The following WNK2 variants were observed in gnomAD, a reference collection of about 807,000 sequenced individuals.
WNK2 encodes WNK lysine deficient protein kinase 2.
A neutral mutation model predicts 192.1 loss-of-function variants in WNK2; 67 were observed. That is an observed-to-expected ratio of 0.35 (90% CI 0.29 to 0.43). WNK2 has a LOEUF of 0.43. WNK2 is among the 20% of genes least tolerant of loss of function. The pLI, the probability that WNK2 is intolerant of heterozygous loss-of-function variation, is 1.00. For missense variants in WNK2, 2,698 were observed against 3,089.7 expected (o/e 0.87, Z 3.01); for synonymous variants, 1,439 against 1,393.9 (o/e 1.03, Z -0.72).
chr9:93,309,294 TC>T (rs1328362408), intron 28 of WNK2: 5 of 228,258 alleles, frequency 2.2e-5, no homozygotes, highest in Non-Finnish European at 3.6e-5. Flanking sequence ...AGAGTGAACA[TC>T]CATAGGACCC....
At chr9:93,253,171 C>A in intron 9 of WNK2, 89 bp downstream of exon 9, 1 of 1,131,084 alleles carries the variant, frequency 8.8e-7, no homozygotes, top group Non-Finnish European at 1.2e-6. Context: ...GATGGGCTGT[C>A]CAGGCTGCAC....
At chr9:93,220,567 G>A (rs761601282) in intron 2 of WNK2, among the ~76,000 whole-genome samples, 5 of 152,156 alleles carry the variant, frequency 3.3e-5, no homozygotes, top group South Asian at 2.1e-4. Flanking sequence ...ACTGGATGGC[G>A]TGTCACTGCT....
rs572090092 is a variant in WNK2, at chr9:93,229,257, C to A, written c.682-439C>A. On this transcript the variant is annotated intron_variant, in intron 2 of 29. Transcript: ENST00000427277. This position sits in a 1 kb window ranked among gnomAD's most constrained non-coding sequence, Gnocchi z 4.9. ...CCATTCTCAGCTCTTATCTCAGTCA[C>A]CTGTCCACGTCTCCTCTGTTCTAAT... Among the ~76,000 whole-genome samples the A allele has an allele frequency of 6.6e-6, 1 of 152,278 alleles. No homozygotes were observed. Among genetic ancestry groups the A allele is most frequent in the Non-Finnish European group, 1.5e-5 (1 of 68,034 alleles).
intron 27 of WNK2, chr9:93,307,290 A>T (rs1852760559): frequency 6.0e-6 from 1 of 166,182 alleles, no homozygotes; most frequent in Non-Finnish European, 1.3e-5. Context: ...TGAACTTTTC[A>T]TGTAGGAATA....
At chr9:93,307,917 C>G (rs560904460) in intron 27 of WNK2, 1 of 196,758 alleles carries the variant, frequency 5.1e-6, no homozygotes, top group Non-Finnish European at 1.0e-5. Context: ...TGAGGATGCA[C>G]AGGCCAGAGA....
intron 9 of WNK2, among the ~76,000 whole-genome samples, chr9:93,256,073 C>T (rs1273040294): frequency 1.3e-5 from 2 of 152,170 alleles, no homozygotes; most frequent in East Asian, 3.9e-4. Flanking sequence ...TTCTGTGGGG[C>T]TGATGTGCCC....
Position 93,259,610 on chromosome 9 carries a change from G to T in WNK2, c.3062G>T (p.Ser1021Ile). ...GCTGCTCCAGCTGCTACACCAGGGA[G>T]CCAGGTAATCACCTGCTGGGCAGGG... is the stretch of plus-strand genomic sequence containing the variant. ...EQAAPAATPG[S>I]QILLGHPAPY... The change falls in exon 12 of 30, where the codon AGC (serine) becomes ATC (isoleucine). Residue 1021 changes from serine (S) to isoleucine (I), a missense_variant. Ser to Ile is a moderately radical substitution (Grantham distance 142). Around this residue, in one of 7 missense-constraint regions of WNK2, gnomAD observed 893 missense variants for 909.0 expected, o/e 0.98. Transcript: ENST00000427277. This position sits in a 1 kb window ranked among gnomAD's most constrained non-coding sequence, Gnocchi z 4.8. The T allele has an allele frequency of 6.3e-7, 1 of 1,578,588 alleles. No homozygotes were observed. Among genetic ancestry groups the T allele is most frequent in the Non-Finnish European group, 8.5e-7 (1 of 1,170,296 alleles).
In WNK2 at chr9:93,253,014, G is replaced by C. The variant is rs1842800721; in HGVS notation, c.1966G>C (p.Val656Leu). ...GGCCCAGTGTGTGTGCAGCCCCCCT[G>C]TGAGCGAGGGGCCCGTCCTGCCGCA... is the stretch of plus-strand genomic sequence containing the variant. ...SPAQCVCSPP[V>L]SEGPVLPQSL... The change falls in exon 9 of 30, where the codon GTG becomes CTG. Residue 656 changes from valine (V) to leucine (L), a missense_variant. By Grantham distance (32) the Val-to-Leu change is conservative. Around this residue, in one of 7 missense-constraint regions of WNK2, gnomAD observed 893 missense variants for 909.0 expected, o/e 0.98. Coordinates refer to ENST00000427277, the MANE Select transcript of WNK2 (RefSeq NM_006648.4). 6.4e-7 allele frequency: 1 copy of C among 1,554,474 alleles called. No individual in the cohort carries two copies. The highest frequency in any genetic ancestry group is 8.7e-7 in the Non-Finnish European group (1 of 1,151,462).
At chr9:93,254,197 G>T (rs1402879499) in intron 9 of WNK2, among the ~76,000 whole-genome samples, 2 of 152,158 alleles carry the variant, frequency 1.3e-5, no homozygotes, top group Admixed American at 6.5e-5. Flanking sequence ...GATTACAAGC[G>T]TGAGTCACTG....
chr9:93,235,903 T>C (rs1469494664), intron 5 of WNK2, among the ~76,000 whole-genome samples: 1 of 152,224 alleles, frequency 6.6e-6, no homozygotes, highest in Non-Finnish European at 1.5e-5. Flanking sequence ...CGAGCCCTCC[T>C]TGCAGATTAC....
At chr9:93,242,756 A>T (rs1434597333) in intron 7 of WNK2, among the ~76,000 whole-genome samples, 1 of 152,204 alleles carries the variant, frequency 6.6e-6, no homozygotes, top group East Asian at 1.9e-4. Context: ...AGTCTCACGC[A>T]CAAATGAGGA....
chr9:93,306,906 G>A (rs1160309241), intron 27 of WNK2, 85 bp downstream of exon 27: 9 of 1,560,174 alleles, frequency 5.8e-6, no homozygotes, highest in African/African-American at 2.7e-5. Flanking sequence ...TCCCGCGGCC[G>A]GGCGGGCGTG....
intron 2 of WNK2, among the ~76,000 whole-genome samples, chr9:93,210,573 C>G (rs1244457123): frequency 3.9e-5 from 6 of 152,162 alleles, no homozygotes; most frequent in Admixed American, 3.9e-4. Context: ...CCTTTGCTCT[C>G]ACTCAGATCT....
intron 12 of WNK2, among the ~76,000 whole-genome samples, chr9:93,260,018 C>G (rs1445059167): frequency 6.6e-6 from 1 of 152,290 alleles, no homozygotes; most frequent in East Asian, 1.9e-4. Flanking sequence ...GGCAGGGTGA[C>G]AACCCCATCT....
chr9:93,191,319 C>T (rs1830292805), intron 2 of WNK2, among the ~76,000 whole-genome samples: 1 of 152,064 alleles, frequency 6.6e-6, no homozygotes, highest in Admixed American at 6.6e-5. Flanking sequence ...GTTCCAGAGG[C>T]CTGTGCTTGG....
At position 93,256,441 on chromosome 9, in the gene WNK2, C is replaced by A; in HGVS notation, c.2177C>A (p.Pro726His). Reference sequence around the variant, plus strand: ...CCCACGGGCCCAGGCCAGCCAGCACCCCCCGGCCAGCAGGTGAGTGTGGCA... The same window carrying A: ...CCCACGGGCCCAGGCCAGCCAGCACACCCCGGCCAGCAGGTGAGTGTGGCA... The part of the protein sequence containing the change: ...PMPTGPGQPA[P>H]PGQQPPPLAQ... Residue 726 changes from proline to histidine, a missense_variant, in exon 10 of 30, where the codon CCC becomes CAC. By Grantham distance (77) the Pro-to-His change is moderately conservative. Around this residue, in one of 7 missense-constraint regions of WNK2, gnomAD observed 893 missense variants for 909.0 expected, o/e 0.98. Coordinates refer to ENST00000427277, the MANE Select transcript of WNK2 (RefSeq NM_006648.4). The A allele has an allele frequency of 3.3e-6, 5 of 1,528,806 alleles. No homozygotes were observed. The highest frequency in any genetic ancestry group is 4.4e-6 in the Non-Finnish European group (5 of 1,142,526). 94.7% of individuals were successfully genotyped at this position (1,528,806 alleles called of 1,614,324 possible).
chr9:93,289,936 G>T (rs1267925020), intron 20 of WNK2, 42 bp from the exon 21 acceptor site: 1 of 1,534,162 alleles, frequency 6.5e-7, no homozygotes, highest in Non-Finnish European at 8.8e-7. Flanking sequence ...ATGCTGACCT[G>T]TGAGTCTCAC....
At chr9:93,230,681 T>C (rs1838626279) in intron 3 of WNK2, among the ~76,000 whole-genome samples, 1 of 152,342 alleles carries the variant, frequency 6.6e-6, no homozygotes, top group Admixed American at 6.5e-5. Flanking sequence ...AAGAGGGTTG[T>C]GAGCCCACCC....
intron 2 of WNK2, among the ~76,000 whole-genome samples, chr9:93,187,772 G>T (rs998162587): frequency 9.9e-5 from 15 of 152,134 alleles, no homozygotes; most frequent in African/African-American, 3.6e-4. Flanking sequence ...GGACTGATGG[G>T]ACTGCCTGTG....
Sources: allele counts gnomAD v4.1 joint callset (sites outside exome capture counted in the v4.1 genomes callset), GRCh38; gene constraint gnomAD v4.1.1; regional missense constraint gnomAD v4.1.1; non-coding constraint Gnocchi (gnomAD v3.1); transcripts MANE v1.5; gene names NCBI Gene and HGNC (gene_info 2026-07-23, HGNC 2026-07-21).